MTRR: variants seen among roughly 807,000 people sequenced by gnomAD.
MTRR encodes 5-methyltetrahydrofolate-homocysteine methyltransferase reductase, also known as methionine synthase reductase.
Under a neutral mutation model 79.2 loss-of-function variants are expected in MTRR, and 63 were observed. The ratio of observed to expected loss-of-function variants is 0.80; its 90% confidence interval spans 0.65 to 0.98. The LOEUF is 0.98. Ranked by LOEUF, MTRR falls within the 50% of genes least tolerant of loss-of-function variation. MTRR has a pLI of 0.00. For synonymous variants in MTRR, 355 were observed against 313.3 expected, an observed-to-expected ratio of 1.13 and a Z score of -1.41; for missense variants, 895 against 839.6, an observed-to-expected ratio of 1.07 and a Z score of -0.82.
chr5:7,865,615 C>A (rs1746889062), upstream of MTRR, among the ~76,000 whole-genome samples: 1 of 152,166 alleles, frequency 6.6e-6, no homozygotes. Context: ...AGTACTAAAA[C>A]CCTGTAAAAC....
chr5:7,891,407 T>A lies in MTRR; in HGVS notation c.1363T>A (p.Cys455Ser), dbSNP rs761267473. ...LPKLQPRPYS[C>S]ASSSLFHPGK... ...TAAACTTCAACCCAGACCATATTCG[T>A]GTGCAAGGTACTACTATTTATTCAC... The change falls in exon 10 of 15, where the codon TGT becomes AGT. Residue 455 changes from cysteine (C) to serine (S), a missense_variant. By Grantham distance (112) the Cys-to-Ser change is moderately radical. Transcript: ENST00000440940. 1 of 1,610,782 alleles carries A rather than the reference T, an allele frequency of 6.2e-7. No individual in the cohort carries two copies. Among genetic ancestry groups the A allele is most frequent in the Non-Finnish European group, 8.5e-7 (1 of 1,177,532 alleles).
chr5:7,899,848 T>G (rs1277202342), intron 14 of MTRR, 66 bp from the exon 15 acceptor site: 6 of 1,584,672 alleles, frequency 3.8e-6, no homozygotes, highest in Middle Eastern at 1.7e-4. Context: ...ATTAGACTTG[T>G]GAATTAAGGA....
Position 7,900,339 on chromosome 5 carries a change from C to G in MTRR, c.*281C>G, listed in dbSNP as rs937436987. The G allele has an allele frequency of 2.5e-6, 1 of 397,966 alleles. No homozygotes were observed. Among genetic ancestry groups the G allele is most frequent in the African/African-American group, 2.0e-5 (1 of 49,226 alleles). 24.7% of individuals were successfully genotyped at this position (397,966 alleles called of 1,614,324 possible). A position where few individuals can be genotyped will look rare whatever the true frequency, so the allele number is the denominator to read the frequency against. ...GGCAGCCTTCAGTCCCTATCAGCGC[C>G]TCCTTTACTTCCCAGAGAACTTCAC... On this transcript the variant is annotated 3_prime_UTR_variant, in exon 15 of 15. Transcript: ENST00000440940.
chr5:7,891,548 T>C, intron 10 of MTRR, 134 bp downstream of exon 10: 1 of 718,290 alleles, frequency 1.4e-6, no homozygotes, highest in Non-Finnish European at 2.4e-6. Flanking sequence ...CCAGGCATAA[T>C]AAAGCAGAAG....
chr5:7,899,846 T>G, intron 14 of MTRR, 68 bp from the exon 15 acceptor site: 1 of 1,581,326 alleles, frequency 6.3e-7, no homozygotes, highest in Non-Finnish European at 8.7e-7. Context: ...GAATTAGACT[T>G]GTGAATTAAG....
chr5:7,859,475 T>C (rs771274326), intron 1 of MTRR: 17 of 1,607,586 alleles, frequency 1.1e-5, no homozygotes, highest in African/African-American at 2.7e-5. Flanking sequence ...AGAAAACAGT[T>C]TTCTTTGTAA....
intron 11 of MTRR, among the ~76,000 whole-genome samples, chr5:7,894,109 C>T (rs1321393376): frequency 2.6e-5 from 4 of 152,168 alleles, no homozygotes; most frequent in Non-Finnish European, 5.9e-5. Flanking sequence ...TTCCTCCCTC[C>T]CTCTCTTCGT....
chr5:7,867,010 A>C, upstream of MTRR: 1 of 1,614,230 alleles, frequency 6.2e-7, no homozygotes, highest in Non-Finnish European at 8.5e-7. Flanking sequence ...CCGCAGCTAC[A>C]CGATGCTCTA....
chr5:7,876,647 C>T (rs927457798), intron 4 of MTRR, among the ~76,000 whole-genome samples: 4 of 152,232 alleles, frequency 2.6e-5, no homozygotes, highest in Admixed American at 6.5e-5. Flanking sequence ...TACGAATGCA[C>T]ACTTGAGTCC....
At chr5:7,877,777 G>T (rs1734828827) in intron 4 of MTRR, among the ~76,000 whole-genome samples, 167 bp from the exon 5 acceptor site, 1 of 151,906 alleles carries the variant, frequency 6.6e-6, no homozygotes, top group Non-Finnish European at 1.5e-5. Flanking sequence ...AATATATCCT[G>T]CTTGTTAAAA....
At chr5:7,898,051 C>A (rs1312127742) in intron 14 of MTRR, among the ~76,000 whole-genome samples, 2 of 152,158 alleles carry the variant, frequency 1.3e-5, no homozygotes, top group African/African-American at 4.8e-5. Flanking sequence ...ACATTCTGAT[C>A]ATTTCTCTTC....
At chr5:7,889,335 C>A in intron 9 of MTRR, 60 bp downstream of exon 9, 1 of 1,595,342 alleles carries the variant, frequency 6.3e-7, no homozygotes, top group South Asian at 1.1e-5. Flanking sequence ...GGCGGGCCAC[C>A]TTTCTGTAGT....
chr5:7,892,629 A>G (rs868187520), intron 10 of MTRR, 98 bp from the exon 11 acceptor site: 11 of 1,297,092 alleles, frequency 8.5e-6, no homozygotes, highest in African/African-American at 5.8e-5. Flanking sequence ...ATTAGAGCCT[A>G]TAAGGAAATA....
intron 10 of MTRR, 73 bp downstream of exon 10, chr5:7,891,487 G>T: frequency 7.9e-7 from 1 of 1,270,612 alleles, no homozygotes; most frequent in African/African-American, 1.5e-5. Flanking sequence ...CAGATCATTA[G>T]AGTTTACTAA....
chr5:7,875,114 A>G (rs1410788325), intron 3 of MTRR, 144 bp from the exon 4 acceptor site: 3 of 698,782 alleles, frequency 4.3e-6, no homozygotes, highest in Non-Finnish European at 7.6e-6. Flanking sequence ...GAATTACTCA[A>G]GGAAAATAAA....
chr5:7,853,384 T>C (rs1158158266), intron 1 of MTRR, among the ~76,000 whole-genome samples: 1 of 152,190 alleles, frequency 6.6e-6, no homozygotes, highest in Admixed American at 6.5e-5. Context: ...GTGAGACAAT[T>C]AAAACTCTTT....
At chr5:7,885,884 T>A in intron 7 of MTRR, 30 bp downstream of exon 7, 3 of 1,613,798 alleles carry the variant, frequency 1.9e-6, no homozygotes, top group Non-Finnish European at 2.5e-6. Flanking sequence ...GACGTTGGGG[T>A]GTTGTGGGCC....
Position 7,890,579 on chromosome 5 carries a change from ATAT to A in MTRR, c.1328-788_1328-786del, listed in dbSNP as rs1315218960. Among the ~76,000 whole-genome samples the A allele has an allele frequency of 5.9e-5, 9 of 152,202 alleles. No individual in the cohort carries two copies. The South Asian group carries it at 8.3e-4, about 14-fold the overall frequency. On this transcript the variant is annotated intron_variant, in intron 9 of 14. Coordinates refer to ENST00000440940, the MANE Select transcript of MTRR (RefSeq NM_002454.3). ...AAGTCATTGGGACTTATAAAAAATT[ATAT>A]TATTTTCTAATTAAGAACAATTAAA... is the stretch of plus-strand genomic sequence containing the variant.
intron 5 of MTRR, among the ~76,000 whole-genome samples, chr5:7,879,399 G>T (rs1735158143): frequency 7.0e-6 from 1 of 143,348 alleles, no homozygotes; most frequent in African/African-American, 2.6e-5. Context: ...GGAGGCGGAG[G>T]TTGCAGTGAG....
Sources: gnomAD v4.1 joint callset for allele counts (sites outside exome capture counted in the v4.1 genomes callset) on GRCh38, gnomAD v4.1.1 for gene constraint, MANE v1.5 for transcripts, NCBI Gene and HGNC (gene_info 2026-07-23, HGNC 2026-07-21) for gene names.